TRAF3: variants seen among roughly 807,000 people sequenced by gnomAD.
The protein encoded by TRAF3 is TNF receptor-associated factor 3.
TRAF3 carries 13 observed loss-of-function variants against 62.3 expected under a neutral mutation model. The ratio of observed to expected loss-of-function variants is 0.21; its 90% CI spans 0.14 to 0.33. The LOEUF (loss-of-function observed/expected upper bound fraction) is 0.33. TRAF3 is among the 10% of genes least tolerant of loss of function. The probability of loss-of-function intolerance (pLI) is 1.00; values close to 1 mark genes in which losing one functional copy is unlikely to be tolerated. For missense variants in TRAF3, 440 were observed against 741.8 expected (o/e 0.59, Z 4.73); for synonymous variants, 269 against 283.4 (o/e 0.95, Z 0.51).
chr14:102,907,122 G>A lies in TRAF3; in HGVS notation c.*1338G>A, dbSNP rs1226343240. ...CAGATTCCAAATCTCTAGGCCCCAC[G>A]AGTGAGCCGCCTGGTCCAAGTACGG... is the stretch of plus-strand genomic sequence containing the variant. On this transcript the variant is annotated 3_prime_UTR_variant, in exon 12 of 12. Coordinates refer to ENST00000392745, the MANE Select transcript of TRAF3 (RefSeq NM_145725.3). The A allele has an allele frequency of 6.6e-6, 1 of 152,226 alleles. No homozygotes were observed. The highest frequency in any genetic ancestry group is 6.5e-5 in the Admixed American group (1 of 15,282). The allele number at this position is 152,226 out of a possible 1,614,324, so 9.4% of individuals were successfully genotyped here.
intron 2 of TRAF3, among the ~76,000 whole-genome samples, chr14:102,848,283 A>C (rs187120438): frequency 2.0e-5 from 3 of 152,172 alleles, no homozygotes; most frequent in African/African-American, 4.8e-5. Flanking sequence ...AAAATAATTA[A>C]CTGGGGGTGG....
At position 102,806,196 on chromosome 14, in the gene TRAF3, G is replaced by A. The variant is rs538969636; in HGVS notation, c.-156-24138G>A. 1.7e-3 allele frequency among the ~76,000 whole-genome samples: 265 copies of A among 152,226 alleles called. 1 individual carries two copies. Among genetic ancestry groups the A allele is most frequent in the African/African-American group, 6.2e-3 (259 of 41,538 alleles). ...TTTTCGGGTTCAAAATGTTAGTTGCGCCAAGGTTGAGAAACCGTGGCTTGG... is the reference window on the plus strand; with the variant it reads ...TTTTCGGGTTCAAAATGTTAGTTGCACCAAGGTTGAGAAACCGTGGCTTGG... On this transcript the variant is annotated intron_variant, in intron 1 of 11. Transcript: ENST00000392745.
At position 102,907,527 on chromosome 14, in the gene TRAF3, C is replaced by T. The variant is rs1022509105; in HGVS notation, c.*1743C>T. The T allele has an allele frequency of 6.6e-6, 1 of 152,308 alleles. No homozygotes were observed. The highest frequency in any genetic ancestry group is 2.4e-5 in the African/African-American group (1 of 41,464). 9.4% of individuals were successfully genotyped at this position (152,308 alleles called of 1,614,324 possible). A position where few individuals can be genotyped will look rare whatever the true frequency, so the allele number is the denominator to read the frequency against. On this transcript the variant is annotated 3_prime_UTR_variant, in exon 12 of 12. Coordinates refer to ENST00000392745, the MANE Select transcript of TRAF3 (RefSeq NM_145725.3). ...GCGACGGGTGCTTCTTAGGCAAAAC[C>T]AATGTGTGCGAACTGTCACACCTGT... is the stretch of plus-strand genomic sequence containing the variant.
At chr14:102,854,985 A>C (rs1019910011) in intron 2 of TRAF3, among the ~76,000 whole-genome samples, 1 of 152,100 alleles carries the variant, frequency 6.6e-6, no homozygotes, top group Non-Finnish European at 1.5e-5. Flanking sequence ...ACCCATAAGC[A>C]GTGAGTCCCC....
rs1595421969 is a variant in TRAF3 at position 102,909,356 on chromosome 14, T to C, written c.*3572T>C. On this transcript the variant is annotated 3_prime_UTR_variant, in exon 12 of 12. Transcript: ENST00000392745. ...TGTGCGGGTGGACAGAGGGGGCCCTTATGACCCACATTGCAGCCCCATTCC... is the reference window on the plus strand; with the variant it reads ...TGTGCGGGTGGACAGAGGGGGCCCTCATGACCCACATTGCAGCCCCATTCC... 1.3e-5 allele frequency: 2 copies of C among 152,380 alleles called. No individual in the cohort carries two copies. Among genetic ancestry groups the C allele is most frequent in the Non-Finnish European group, 2.9e-5 (2 of 68,164 alleles). The allele number at this position is 152,380 out of a possible 1,614,324, so 9.4% of individuals were successfully genotyped here. A position where few individuals can be genotyped will look rare whatever the true frequency, so the allele number is the denominator to read the frequency against.
intron 2 of TRAF3, among the ~76,000 whole-genome samples, chr14:102,840,060 T>C (rs975648286): frequency 6.6e-6 from 1 of 152,138 alleles, no homozygotes; most frequent in Admixed American, 6.5e-5. Context: ...AGAGGTGATT[T>C]ACGCCCCCCA....
At chr14:102,898,666 C>G (rs2139980315) in intron 10 of TRAF3, among the ~76,000 whole-genome samples, 1 of 152,350 alleles carries the variant, frequency 6.6e-6, no homozygotes, top group East Asian at 1.9e-4. Flanking sequence ...GATTCATTTA[C>G]AACAAAAAGT....
At chr14:102,882,258 G>T (rs1889111320) in intron 6 of TRAF3, among the ~76,000 whole-genome samples, 1 of 152,158 alleles carries the variant, frequency 6.6e-6, no homozygotes. Flanking sequence ...TGAGTTTGGG[G>T]CCTGATTTGT....
At chr14:102,810,878 C>T (rs1002090265) in intron 1 of TRAF3, 1 of 152,164 alleles carries the variant, frequency 6.6e-6, no homozygotes, top group East Asian at 1.9e-4. Flanking sequence ...ACCCCGAGTC[C>T]ATTACACATT....
At chr14:102,791,813 CTTT>C (rs112341301) in intron 1 of TRAF3, among the ~76,000 whole-genome samples, 1 of 146,290 alleles carries the variant, frequency 6.8e-6, no homozygotes, top group Admixed American at 6.8e-5. Flanking sequence ...TCTTTCTTTC[CTTT>C]TTTTTTTTGT....
intron 1 of TRAF3, among the ~76,000 whole-genome samples, chr14:102,778,665 C>T (rs1395591577): frequency 1.3e-5 from 2 of 152,032 alleles, no homozygotes; most frequent in African/African-American, 2.4e-5. Context: ...AGCGTTGTAG[C>T]GGCTTCTTAA....
intron 1 of TRAF3, among the ~76,000 whole-genome samples, chr14:102,809,597 A>C (rs1490027793): frequency 6.9e-6 from 1 of 145,334 alleles, no homozygotes; most frequent in Non-Finnish European, 1.5e-5. Flanking sequence ...CAGGGGCGCA[A>C]TCTCGGCTCA....
chr14:102,874,215 A>T (rs1196783645), intron 4 of TRAF3, among the ~76,000 whole-genome samples: 2 of 152,214 alleles, frequency 1.3e-5, no homozygotes. Context: ...TAGTGAAGCC[A>T]TGATTGCACC....
At chr14:102,873,491 T>C (rs1167973045) in intron 4 of TRAF3, among the ~76,000 whole-genome samples, 3 of 152,206 alleles carry the variant, frequency 2.0e-5, no homozygotes, top group Non-Finnish European at 4.4e-5. Flanking sequence ...GCAGAATCAT[T>C]ATCCCTATTT....
chr14:102,903,495 G>A lies in TRAF3; in HGVS notation c.1135+66G>A, dbSNP rs574043069. ...GGCCCCGGGCGAGTGCTGGGGCGGG[G>A]TCCGTGGGATGAGGGCTATGTTAGG... On this transcript the variant is annotated intron_variant, in intron 11 of 11. Coordinates refer to ENST00000392745, the MANE Select transcript of TRAF3 (RefSeq NM_145725.3). This position sits in a 1 kb window ranked among gnomAD's most constrained non-coding sequence, Gnocchi z 6.4. 2 of 1,607,438 alleles carry A rather than the reference G, an allele frequency of 1.2e-6. No homozygotes were observed. The highest frequency in any genetic ancestry group is 2.2e-5 in the South Asian group (2 of 90,772).
chr14:102,785,792 C>T (rs1262172275), intron 1 of TRAF3, among the ~76,000 whole-genome samples: 1 of 152,104 alleles, frequency 6.6e-6, no homozygotes, highest in Non-Finnish European at 1.5e-5. Context: ...TGTTTCATGG[C>T]CATTTGTACC....
intron 2 of TRAF3, among the ~76,000 whole-genome samples, chr14:102,861,178 G>GT (rs556859397): frequency 4.5e-4 from 68 of 152,214 alleles, no homozygotes; most frequent in Non-Finnish European, 8.7e-4. Context: ...ATCAGCTCTA[G>GT]TTTCCCCTTT....
intron 10 of TRAF3, among the ~76,000 whole-genome samples, chr14:102,902,199 C>G (rs1268814070): frequency 6.6e-6 from 1 of 152,222 alleles, no homozygotes; most frequent in East Asian, 1.9e-4. Flanking sequence ...CTCGTGTGTT[C>G]GTGGCAGGGT....
chr14:102,780,049 A>G (rs1233934021), intron 1 of TRAF3, among the ~76,000 whole-genome samples: 2 of 152,234 alleles, frequency 1.3e-5, no homozygotes, highest in Non-Finnish European at 2.9e-5. Flanking sequence ...AAGAGTCATA[A>G]TAACTGACTT....
Sources: allele counts gnomAD v4.1 joint callset (sites outside exome capture counted in the v4.1 genomes callset), GRCh38; gene constraint gnomAD v4.1.1; non-coding constraint Gnocchi (gnomAD v3.1); transcripts MANE v1.5; gene names NCBI Gene and HGNC (gene_info 2026-07-23, HGNC 2026-07-21).